MTRES1: variants seen among roughly 807,000 people sequenced by gnomAD.
MTRES1 encodes uncharacterized protein C6orf203.
A neutral mutation model predicts 17.4 loss-of-function variants in MTRES1; 11 were observed. The ratio of observed to expected loss-of-function variants is 0.63; its 90% CI spans 0.40 to 1.05. MTRES1 has a LOEUF of 1.05. Among genes scored for constraint, MTRES1 ranks in the 50% least tolerant of loss-of-function variants. The probability of loss-of-function intolerance (pLI) is 0.00; values close to 1 mark genes in which losing one functional copy is unlikely to be tolerated. For missense variants in MTRES1, 268 were observed against 276.2 expected, an observed-to-expected ratio of 0.97 and a Z score of 0.21; for synonymous variants, 94 against 99.6, an observed-to-expected ratio of 0.94 and a Z score of 0.34.
At chr6:107,037,802 T>G (rs958966827) in intron 1 of MTRES1, among the ~76,000 whole-genome samples, 11 of 152,188 alleles carry the variant, frequency 7.2e-5, no homozygotes, top group Non-Finnish European at 1.5e-4. Flanking sequence ...CACTGCAACC[T>G]TTACCTCCCA....
intron 3 of MTRES1, among the ~76,000 whole-genome samples, chr6:107,049,250 A>G (rs940830663): frequency 1.3e-5 from 2 of 152,094 alleles, no homozygotes; most frequent in East Asian, 3.9e-4. Context: ...AGCCTTATAA[A>G]TGGCAATGTG....
At chr6:107,037,262 G>T (rs1341472752) in intron 1 of MTRES1, among the ~76,000 whole-genome samples, 1 of 152,080 alleles carries the variant, frequency 6.6e-6, no homozygotes, top group African/African-American at 2.4e-5. Context: ...TAGAGATGGG[G>T]TTTCACCATG....
intron 3 of MTRES1, 62 bp downstream of exon 3, chr6:107,044,394 A>G: frequency 3.0e-6 from 4 of 1,341,510 alleles, no homozygotes; most frequent in South Asian, 1.2e-5. Flanking sequence ...TAGTAACTCA[A>G]TTAATGCTGT....
intron 3 of MTRES1, among the ~76,000 whole-genome samples, chr6:107,050,700 C>G (rs948682399): frequency 3.3e-5 from 5 of 151,840 alleles, no homozygotes; most frequent in Non-Finnish European, 5.9e-5. Context: ...CCACAGCCTT[C>G]CGAGTATTTG....
At chr6:107,030,227 C>T in intron 1 of MTRES1, 1 of 711,076 alleles carries the variant, frequency 1.4e-6, no homozygotes, top group Non-Finnish European at 2.6e-6. Flanking sequence ...CCTATAGAGC[C>T]TTTAGACCAT....
chr6:107,034,041 G>C (rs1354801099), intron 1 of MTRES1, among the ~76,000 whole-genome samples: 7 of 152,184 alleles, frequency 4.6e-5, no homozygotes, highest in Admixed American at 3.3e-4. Flanking sequence ...GAGGTAGTGA[G>C]TAGCTAATAA....
At position 107,044,332 on chromosome 6, in the gene MTRES1, G is replaced by A. The variant is rs1774320767; in HGVS notation, c.543G>A (p.Thr181=). The A allele has an allele frequency of 3.1e-6, 5 of 1,610,338 alleles. No individual in the cohort carries two copies. The highest frequency in any genetic ancestry group is 1.1e-5 in the South Asian group (1 of 90,980). The change falls in exon 3 of 4, where the codon ACG becomes ACA. Residue 181 remains threonine, a splice_region_variant and synonymous_variant. Coordinates refer to ENST00000311381, the MANE Select transcript of MTRES1 (RefSeq NM_016487.5). The part of the protein sequence containing the change: ...NEEKLWKKSR[T]VKVGDTLDLL... Reference sequence around the variant, plus strand: ...AAAAATTATGGAAGAAAAGCAGAACGGTGAGATACTAACCTAAAATGACAG... The same window carrying A: ...AAAAATTATGGAAGAAAAGCAGAACAGTGAGATACTAACCTAAAATGACAG...
chr6:107,049,787 T>C (rs1360971255), intron 3 of MTRES1, among the ~76,000 whole-genome samples: 2 of 150,022 alleles, frequency 1.3e-5, no homozygotes, highest in Admixed American at 1.3e-4. Flanking sequence ...AATGGCGCCA[T>C]CTTGGTTCAC....
chr6:107,030,510 G>C (rs183869665), intron 1 of MTRES1, among the ~76,000 whole-genome samples: 77 of 152,314 alleles, frequency 5.1e-4, no homozygotes, highest in African/African-American at 1.7e-3. Flanking sequence ...ACCCGGTGCA[G>C]TCTTCTAAGA....
chr6:107,041,521 G>T (rs1407399246), intron 2 of MTRES1, among the ~76,000 whole-genome samples: 1 of 151,874 alleles, frequency 6.6e-6, no homozygotes, highest in Admixed American at 6.6e-5. Context: ...GGGTTTTTTT[G>T]TTTTTTGTTT....
chr6:107,038,292 A>G (rs1774077188), intron 1 of MTRES1, among the ~76,000 whole-genome samples: 1 of 152,150 alleles, frequency 6.6e-6, no homozygotes, highest in African/African-American at 2.4e-5. Flanking sequence ...TCATTTGCAG[A>G]CTCACGGTAC....
At position 107,028,230 on chromosome 6, in the gene MTRES1, T is replaced by A. The variant is rs1463267313; in HGVS notation, c.-54T>A. The stretch of plus-strand genomic sequence containing the variant: ...ATAGGGGTAGCCTGGAGGCCTGCAG[T>A]CCGCGCGGCCGCGGGGAGGGACGAG... On this transcript the variant is annotated 5_prime_UTR_variant, in exon 1 of 4. Coordinates refer to ENST00000311381, the MANE Select transcript of MTRES1 (RefSeq NM_016487.5). 1.3e-5 allele frequency: 2 copies of A among 152,084 alleles called. No homozygotes were observed. The highest frequency in any genetic ancestry group is 2.9e-5 in the Non-Finnish European group (2 of 68,006). The allele number at this position is 152,084 out of a possible 1,614,324, so 9.4% of individuals were successfully genotyped here. A position where few individuals can be genotyped will look rare whatever the true frequency, so the allele number is the denominator to read the frequency against.
Position 107,042,916 on chromosome 6 carries a change from C to T in MTRES1, c.471-1344C>T, listed in dbSNP as rs899405167. 2.0e-5 allele frequency among the ~76,000 whole-genome samples: 3 copies of T among 152,188 alleles called. No individual in the cohort carries two copies. The East Asian group carries it at 5.8e-4, about 29-fold the overall frequency. ...GCCTAAGAGCACTAGCAAATCTTTGCAGCAGTTCAACATCTATTTAGAAAT... is the reference window on the plus strand; with the variant it reads ...GCCTAAGAGCACTAGCAAATCTTTGTAGCAGTTCAACATCTATTTAGAAAT... On this transcript the variant is annotated intron_variant, in intron 2 of 3. Transcript: ENST00000311381.
At chr6:107,035,793 C>T (rs1773988119) in intron 1 of MTRES1, among the ~76,000 whole-genome samples, 2 of 152,082 alleles carry the variant, frequency 1.3e-5, no homozygotes, top group African/African-American at 2.4e-5. Context: ...AGATAACAGG[C>T]ACCCACCACC....
intron 1 of MTRES1, among the ~76,000 whole-genome samples, chr6:107,030,660 T>A (rs1388442866): frequency 1.3e-5 from 2 of 152,144 alleles, no homozygotes; most frequent in Non-Finnish European, 2.9e-5. Context: ...CTGCCTAGAA[T>A]GTGCCAAAAT....
At chr6:107,036,076 G>T (rs1187581026) in intron 1 of MTRES1, among the ~76,000 whole-genome samples, 1 of 151,744 alleles carries the variant, frequency 6.6e-6, no homozygotes, top group Non-Finnish European at 1.5e-5. Context: ...TATGACTTTT[G>T]GGGGGGCATC....
chr6:107,044,071 G>A (rs990263509), intron 2 of MTRES1, among the ~76,000 whole-genome samples, 189 bp from the exon 3 acceptor site: 7 of 152,154 alleles, frequency 4.6e-5, no homozygotes, highest in Admixed American at 6.5e-5. Flanking sequence ...GCAGTGAGCC[G>A]AGATGGCGCC....
chr6:107,050,038 A>G (rs1370640758), intron 3 of MTRES1, among the ~76,000 whole-genome samples: 1 of 152,026 alleles, frequency 6.6e-6, no homozygotes, highest in Non-Finnish European at 1.5e-5. Flanking sequence ...GCCCTTCTTG[A>G]GTGTCTGGAA....
intron 3 of MTRES1, among the ~76,000 whole-genome samples, chr6:107,049,353 GGCTTATGTTTTAGTAGAAGCA>G (rs1774507868): frequency 1.3e-5 from 2 of 151,812 alleles, no homozygotes; most frequent in South Asian, 4.2e-4. Context: ...AGTCATCCCT[GGCTTATGTTTTAGTAGAAGCA>G]GCAGCATGTG....
Sources: gnomAD v4.1 joint callset for allele counts (sites outside exome capture counted in the v4.1 genomes callset) on GRCh38, gnomAD v4.1.1 for gene constraint, MANE v1.5 for transcripts, NCBI Gene and HGNC (gene_info 2026-07-23, HGNC 2026-07-21) for gene names.